The following ADAMTS17 variants were observed in gnomAD, a reference collection of about 807,000 sequenced individuals.
The protein encoded by ADAMTS17 is A disintegrin and metalloproteinase with thrombospondin motifs 17.
ADAMTS17 carries 113 observed loss-of-function variants against 141.5 expected under a neutral mutation model. The observed-to-expected ratio is 0.80, with a 90% CI of 0.69 to 0.93. The LOEUF (loss-of-function observed/expected upper bound fraction) is 0.93, where lower values mean the gene tolerates loss of function less well. ADAMTS17 is among the 40% of genes least tolerant of loss of function. ADAMTS17 has a pLI of 0.00. For missense variants in ADAMTS17, 1,659 were observed against 1,517.9 expected, an observed-to-expected ratio of 1.09 and a Z score of -1.54; for synonymous variants, 768 against 630.6, an observed-to-expected ratio of 1.22 and a Z score of -3.27.
intron 12 of ADAMTS17, among the ~76,000 whole-genome samples, chr15:100,123,783 C>T (rs1200005183): frequency 2.6e-5 from 4 of 152,130 alleles, no homozygotes; most frequent in Admixed American, 6.5e-5. Context: ...AGAAATGTAG[C>T]GTGCAAGAGC....
intron 20 of ADAMTS17, chr15:99,979,725 C>G (rs2060445041): frequency 6.6e-6 from 1 of 152,226 alleles, no homozygotes; most frequent in African/African-American, 2.4e-5. Context: ...CACAAAACTG[C>G]TTCTATTCAA....
intron 18 of ADAMTS17, among the ~76,000 whole-genome samples, chr15:100,038,815 T>C (rs769586512): frequency 1.3e-5 from 2 of 152,378 alleles, no homozygotes; most frequent in African/African-American, 4.8e-5. Flanking sequence ...TTTCATTTAC[T>C]TGGGTAAATG....
intron 7 of ADAMTS17, among the ~76,000 whole-genome samples, chr15:100,243,382 A>G (rs1225180179): frequency 6.6e-6 from 1 of 152,196 alleles, no homozygotes; most frequent in African/African-American, 2.4e-5. Flanking sequence ...ATTTTTTGAG[A>G]AACTACCATA....
intron 3 of ADAMTS17, among the ~76,000 whole-genome samples, chr15:100,297,295 G>C (rs552674764): frequency 2.0e-5 from 3 of 152,302 alleles, no homozygotes; most frequent in African/African-American, 7.2e-5. Context: ...GGTCATGTGG[G>C]ATGTGTTAAG....
intron 18 of ADAMTS17, among the ~76,000 whole-genome samples, chr15:100,004,678 T>C (rs998633096): frequency 1.4e-5 from 2 of 148,062 alleles, no homozygotes; most frequent in Non-Finnish European, 3.0e-5. Context: ...TGGAGTGCAA[T>C]GGCGCAATCT....
chr15:100,241,901 T>C (rs943182930), intron 7 of ADAMTS17, among the ~76,000 whole-genome samples: 2 of 152,154 alleles, frequency 1.3e-5, no homozygotes, highest in Non-Finnish European at 2.9e-5. Flanking sequence ...AAGTCCTAAA[T>C]AGTAGCCAGG....
chr15:100,042,647 G>C (rs1051515978), intron 18 of ADAMTS17, among the ~76,000 whole-genome samples: 1 of 152,136 alleles, frequency 6.6e-6, no homozygotes, highest in Non-Finnish European at 1.5e-5. Flanking sequence ...TAAAACGCAA[G>C]AACTACGACA....
chr15:100,321,745 A>G (rs1035719046), intron 3 of ADAMTS17, among the ~76,000 whole-genome samples: 28 of 152,248 alleles, frequency 1.8e-4, no homozygotes, highest in African/African-American at 6.8e-4. Context: ...CCAAGCCACA[A>G]TAAGTTATGA....
chr15:100,018,397 G>C (rs933929460), intron 18 of ADAMTS17, among the ~76,000 whole-genome samples: 1 of 152,226 alleles, frequency 6.6e-6, no homozygotes, highest in Non-Finnish European at 1.5e-5. Context: ...CAAACCTCAT[G>C]CTAAATTGTA....
At chr15:100,231,915 G>T (rs749385821) in intron 7 of ADAMTS17, among the ~76,000 whole-genome samples, 1 of 152,182 alleles carries the variant, frequency 6.6e-6, no homozygotes, top group Non-Finnish European at 1.5e-5. Context: ...AATTTAGGCT[G>T]AGCACAGACA....
At chr15:100,262,487 A>G (rs1223024686) in intron 4 of ADAMTS17, 52 bp from the exon 5 acceptor site, 1 of 1,408,090 alleles carries the variant, frequency 7.1e-7, no homozygotes, top group Non-Finnish European at 9.9e-7. Context: ...AATTTTAAAA[A>G]TACAGTAGTA....
chr15:100,039,324 G>A (rs1040789906), intron 18 of ADAMTS17, among the ~76,000 whole-genome samples: 1 of 152,012 alleles, frequency 6.6e-6, no homozygotes, highest in African/African-American at 2.4e-5. Context: ...ATCATTACAT[G>A]GAAGGTTAGT....
At position 100,091,010 on chromosome 15, in the gene ADAMTS17, C is replaced by CAACAAAAAAAAAAAAAAAA. The variant is rs1555446585; in HGVS notation, c.2137+5345_2137+5346insTTTTTTTTTTTTTTTTGTT. ...GAGGCAGAGTGAGACTCCGTCTCAA[C>CAACAAAAAAAAAAAAAAAA]AAAAAAAAAAAAAAAAAAGGGTAAC... On this transcript the variant is annotated intron_variant, in intron 15 of 21. Transcript: ENST00000268070. Among the ~76,000 whole-genome samples, 4 of 54,596 alleles carry CAACAAAAAAAAAAAAAAAA rather than the reference C, an allele frequency of 7.3e-5. 1 individual carries two copies. Among genetic ancestry groups the CAACAAAAAAAAAAAAAAAA allele is most frequent in the East Asian group, 1.1e-3 (2 of 1,794 alleles). The allele number at this position is 54,596 out of a possible 152,430, so 35.8% of individuals were successfully genotyped here. A position where few individuals can be genotyped will look rare whatever the true frequency, so the allele number is the denominator to read the frequency against.
chr15:100,146,144 G>A (rs924746093), intron 10 of ADAMTS17, among the ~76,000 whole-genome samples: 12 of 152,220 alleles, frequency 7.9e-5, no homozygotes, highest in Non-Finnish European at 1.0e-4. Context: ...CTGCACTGCA[G>A]CCTGGGCGAC....
chr15:100,194,395 A>G (rs1340386496), intron 8 of ADAMTS17, among the ~76,000 whole-genome samples: 1 of 152,238 alleles, frequency 6.6e-6, no homozygotes, highest in African/African-American at 2.4e-5. Flanking sequence ...CAAGGCACTC[A>G]GCAGCCTTCA....
intron 18 of ADAMTS17, 50 bp downstream of exon 18, chr15:100,048,807 C>G (rs1205952627): frequency 6.2e-7 from 1 of 1,613,516 alleles, no homozygotes; most frequent in East Asian, 2.2e-5. Context: ...ACTGATGGTG[C>G]TGCCGCCCCA....
chr15:99,976,593 T>C (rs1368245131), intron 20 of ADAMTS17: 1 of 385,470 alleles, frequency 2.6e-6, no homozygotes, highest in Non-Finnish European at 5.0e-6. Context: ...GCCGTGGAGG[T>C]GGGTGGCTTT....
intron 8 of ADAMTS17, among the ~76,000 whole-genome samples, chr15:100,196,222 G>A (rs1356330946): frequency 6.6e-6 from 1 of 152,232 alleles, no homozygotes; most frequent in Non-Finnish European, 1.5e-5. Context: ...AATAAATTAT[G>A]TTTGATTTAA....
At chr15:100,040,074 A>T (rs985631661) in intron 18 of ADAMTS17, among the ~76,000 whole-genome samples, 2 of 152,210 alleles carry the variant, frequency 1.3e-5, no homozygotes, top group African/African-American at 4.8e-5. Context: ...TTTGTATATA[A>T]GTATACACTC....
Sources: gnomAD v4.1 joint callset for allele counts (sites outside exome capture counted in the v4.1 genomes callset) on GRCh38, gnomAD v4.1.1 for gene constraint, MANE v1.5 for transcripts, NCBI Gene and HGNC (gene_info 2026-07-23, HGNC 2026-07-21) for gene names.